KAZN: variants seen among roughly 807,000 people sequenced by gnomAD.
The protein encoded by KAZN is kazrin, periplakin interacting protein.
In KAZN, 40 loss-of-function variants were observed where a neutral mutation model predicts 87.4. The ratio of observed to expected loss-of-function variants is 0.46; its 90% CI spans 0.36 to 0.60. The LOEUF (loss-of-function observed/expected upper bound fraction) is 0.60. KAZN is among the 20% of genes least tolerant of loss of function. The pLI is 0.00. For missense variants in KAZN, 898 were observed against 1,073.9 expected (o/e 0.84, Z 2.29); for synonymous variants, 466 against 458.3 (o/e 1.02, Z -0.22).
At chr1:13,902,643 G>T (rs1202890254) in intron 1 of KAZN, among the ~76,000 whole-genome samples, 2 of 152,094 alleles carry the variant, frequency 1.3e-5, no homozygotes, top group African/African-American at 4.8e-5. Flanking sequence ...AGCTCTGGAG[G>T]GTGACTGTAA....
At chr1:14,511,108 G>C (rs932309904) in intron 2 of KAZN, among the ~76,000 whole-genome samples, 2 of 123,102 alleles carry the variant, frequency 1.6e-5, no homozygotes, top group East Asian at 4.5e-4. Context: ...TTATCTGCGG[G>C]GGGTGGGAGG....
chr1:14,890,329 T>C (rs1654559585), intron 1 of KAZN, among the ~76,000 whole-genome samples: 1 of 152,190 alleles, frequency 6.6e-6, no homozygotes, highest in East Asian at 1.9e-4. Flanking sequence ...ATTTTCCTGA[T>C]GGGAAATCTC....
intron 1 of KAZN, among the ~76,000 whole-genome samples, chr1:14,080,660 C>T (rs1003401517): frequency 2.4e-4 from 36 of 152,304 alleles, no homozygotes; most frequent in African/African-American, 7.9e-4. Context: ...GCATAACATG[C>T]GGTTGATGCT....
rs115954258 is a variant in KAZN, at chr1:14,980,579, C to T, written c.418+19704C>T. 2.8e-3 allele frequency among the ~76,000 whole-genome samples: 425 copies of T among 152,346 alleles called. 4 individuals are homozygous for T. The highest frequency in any genetic ancestry group is 9.5e-3 in the African/African-American group (395 of 41,582). On this transcript the variant is annotated intron_variant, in intron 2 of 14. Transcript: ENST00000376030. ...ACTCCTTGACCCAGAAACACATCCT[C>T]GACTCTGCTCCAGGCTCATCTGCAT...
At chr1:14,586,527 T>G (rs1004360388) in intron 2 of KAZN, among the ~76,000 whole-genome samples, 10 of 138,556 alleles carry the variant, frequency 7.2e-5, no homozygotes, top group African/African-American at 2.4e-4. Context: ...TCTTTCTGGT[T>G]TTTTTTTTTT....
intron 2 of KAZN, among the ~76,000 whole-genome samples, chr1:14,465,298 C>T (rs975545440): frequency 6.8e-6 from 1 of 148,038 alleles, no homozygotes; most frequent in African/African-American, 2.5e-5. Context: ...GCTTGGGAGG[C>T]TGAGGCAGGA....
intron 1 of KAZN, among the ~76,000 whole-genome samples, chr1:13,934,877 T>G (rs1191968365): frequency 1.3e-5 from 2 of 152,186 alleles, no homozygotes; most frequent in African/African-American, 4.8e-5. Flanking sequence ...ATCTAATCCC[T>G]AACCCCAGTG....
At chr1:14,695,062 T>A (rs952748350) in intron 1 of KAZN, among the ~76,000 whole-genome samples, 2 of 152,164 alleles carry the variant, frequency 1.3e-5, no homozygotes, top group African/African-American at 4.8e-5. Flanking sequence ...TGAAGCTTAA[T>A]TGGATCTCTG....
In KAZN at chr1:15,114,570, C is replaced by T; in HGVS notation, c.2263C>T (p.Pro755Ser). 1 of 1,606,620 alleles carries T rather than the reference C, an allele frequency of 6.2e-7. No individual in the cohort carries two copies. The highest frequency in any genetic ancestry group is 8.5e-7 in the Non-Finnish European group (1 of 1,176,508). ...LQNEDCGDDD[P>S]QSRLEQCRLE... is the part of the protein sequence containing the mutation. ...AAACGAAGATTGCGGAGACGATGAC[C>T]CCCAGAGCAGGCTGGAACAGTGCCG... Residue 755 changes from proline to serine, a missense_variant, in exon 15 of 15, where the codon CCC (proline) becomes TCC (serine). Pro to Ser is a moderately conservative substitution (Grantham distance 74, BLOSUM62 -1). This residue lies in a region of KAZN where 127 missense variants were observed against 121.5 expected (regional missense o/e 1.04). Coordinates refer to ENST00000376030, the MANE Select transcript of KAZN (RefSeq NM_201628.3).
chr1:14,520,590 A>G lies in KAZN; in HGVS notation c.250-78393A>G, dbSNP rs1249496414. 2.6e-5 allele frequency among the ~76,000 whole-genome samples: 4 copies of G among 152,312 alleles called. No homozygotes were observed. The East Asian group carries it at 7.7e-4, about 29-fold the overall frequency. ...TGACTTCCTGCCCAAGCAAGAGCAT[A>G]ACTAGGTGATGGGGGCAGAGGCTCT... is the stretch of plus-strand genomic sequence containing the variant. On this transcript the variant is annotated intron_variant, in intron 2 of 16. Coordinates refer to the KAZN transcript ENST00000636203.
chr1:14,374,814 A>G (rs1269517693), intron 2 of KAZN, among the ~76,000 whole-genome samples: 1 of 152,246 alleles, frequency 6.6e-6, no homozygotes, highest in Non-Finnish European at 1.5e-5. Flanking sequence ...AGTAAATTGC[A>G]TGCATCAAAA....
At chr1:14,023,161 T>C (rs1372783851) in intron 1 of KAZN, among the ~76,000 whole-genome samples, 2 of 151,556 alleles carry the variant, frequency 1.3e-5, no homozygotes, top group Non-Finnish European at 2.9e-5. Flanking sequence ...AAAGTAATAA[T>C]AATAATAAAA....
chr1:14,124,962 C>T (rs913618128), intron 1 of KAZN, among the ~76,000 whole-genome samples: 5 of 152,114 alleles, frequency 3.3e-5, no homozygotes, highest in South Asian at 2.1e-4. Context: ...CCCATTGAGA[C>T]GCGGCTCTGA....
chr1:14,221,594 C>A (rs1399014732), intron 2 of KAZN, among the ~76,000 whole-genome samples: 1 of 152,102 alleles, frequency 6.6e-6, no homozygotes, highest in Non-Finnish European at 1.5e-5. Flanking sequence ...GAATTATTTT[C>A]TGGCTTATTA....
intron 1 of KAZN, among the ~76,000 whole-genome samples, chr1:13,942,016 T>C (rs1640945134): frequency 6.6e-6 from 1 of 152,198 alleles, no homozygotes; most frequent in African/African-American, 2.4e-5. Context: ...GGAAGTCTTA[T>C]GGGTCTGGGC....
intron 1 of KAZN, among the ~76,000 whole-genome samples, chr1:14,775,985 A>G (rs1225319128): frequency 6.6e-6 from 1 of 152,148 alleles, no homozygotes; most frequent in Non-Finnish European, 1.5e-5. Flanking sequence ...CCTCTCCTGG[A>G]CTTCCACTGT....
chr1:14,587,468 TACCTGGCTTAC>T (rs2148574050), intron 2 of KAZN, among the ~76,000 whole-genome samples: 1 of 150,778 alleles, frequency 6.6e-6, no homozygotes, highest in South Asian at 2.1e-4. Context: ...AAAAGAGGTT[TACCTGGCTTAC>T]ACTTTTGCAG....
At chr1:14,955,584 G>A (rs1291837413) in intron 1 of KAZN, among the ~76,000 whole-genome samples, 4 of 152,194 alleles carry the variant, frequency 2.6e-5, no homozygotes, top group African/African-American at 7.2e-5. Context: ...GCTCCTGCAG[G>A]TGCCGCACCT....
At chr1:14,138,655 C>T (rs573388205) in intron 1 of KAZN, among the ~76,000 whole-genome samples, 3 of 152,304 alleles carry the variant, frequency 2.0e-5, no homozygotes, top group South Asian at 2.1e-4. Flanking sequence ...TAGGCAATGG[C>T]GTACATCGCA....
Sources: gnomAD v4.1 joint callset for allele counts (sites outside exome capture counted in the v4.1 genomes callset) on GRCh38, gnomAD v4.1.1 for gene constraint, gnomAD v4.1.1 regional missense constraint, MANE v1.5 for transcripts, NCBI Gene and HGNC (gene_info 2026-07-23, HGNC 2026-07-21) for gene names.